The following KIAA1549 variants were observed in gnomAD, a reference collection of about 807,000 sequenced individuals.
KIAA1549 encodes UPF0606 protein KIAA1549.
In KIAA1549, 70 loss-of-function variants were observed where a neutral mutation model predicts 156.4. That is an observed-to-expected ratio of 0.45 (90% CI 0.37 to 0.55). The LOEUF (loss-of-function observed/expected upper bound fraction) is 0.55. Ranked by LOEUF, KIAA1549 falls within the 20% of genes least tolerant of loss-of-function variation. The probability of loss-of-function intolerance (pLI) is 0.00; values close to 1 mark genes in which losing one functional copy is unlikely to be tolerated. For synonymous variants in KIAA1549, 1,103 were observed against 1,066.4 expected (o/e 1.03, Z -0.67); for missense variants, 2,428 against 2,540.9 (o/e 0.96, Z 0.96).
intron 16 of KIAA1549, among the ~76,000 whole-genome samples, chr7:138,855,461 G>A (rs745554234): frequency 9.9e-5 from 15 of 152,146 alleles, no homozygotes; most frequent in South Asian, 6.2e-4. Flanking sequence ...GAGAGATGAC[G>A]GTGGCTCCAA....
intron 14 of KIAA1549, 82 bp downstream of exon 14, chr7:138,869,456 G>C (rs1810854214): frequency 3.6e-6 from 4 of 1,097,100 alleles, no homozygotes; most frequent in Admixed American, 4.1e-5. Flanking sequence ...TGCAGTAGCA[G>C]AGGGGCTCCT....
chr7:138,946,387 C>G (rs1369419951), intron 1 of KIAA1549, among the ~76,000 whole-genome samples: 1 of 152,172 alleles, frequency 6.6e-6, no homozygotes, highest in Admixed American at 6.5e-5. Flanking sequence ...AAATTTAAAC[C>G]ACTCTACTGT....
intron 16 of KIAA1549, among the ~76,000 whole-genome samples, chr7:138,856,080 G>A (rs1472908198): frequency 1.3e-4 from 19 of 149,044 alleles, no homozygotes; most frequent in East Asian, 3.9e-4. Flanking sequence ...CACCCAGGCC[G>A]GACTGCAGTG....
chr7:138,915,955 C>A (rs1041752699), intron 2 of KIAA1549, among the ~76,000 whole-genome samples: 1 of 152,368 alleles, frequency 6.6e-6, no homozygotes, highest in Non-Finnish European at 1.5e-5. Context: ...CAGCTTCACG[C>A]GGCCACAGCA....
Position 138,894,534 on chromosome 7 carries a change from CA to C in KIAA1549, c.3848-9del. On this transcript the variant is annotated splice_polypyrimidine_tract_variant and intron_variant, in intron 9 of 19. Transcript: ENST00000422774. ...TCTTCACCCTGTCGACAGCTGCAGA[CA>C]AGGAAGAAAGGTCTTTCAATAATTC... The C allele has an allele frequency of 6.2e-7, 1 of 1,613,764 alleles. No homozygotes were observed. The highest frequency in any genetic ancestry group is 1.1e-5 in the South Asian group (1 of 91,054).
At chr7:138,963,793 G>T (rs956042050) in intron 1 of KIAA1549, among the ~76,000 whole-genome samples, 2 of 152,148 alleles carry the variant, frequency 1.3e-5, no homozygotes, top group Non-Finnish European at 2.9e-5. Context: ...TAACGGAGGA[G>T]ATGTATGACA....
At position 138,834,117 on chromosome 7, in the gene KIAA1549, C is replaced by T. The variant is rs925761398; in HGVS notation, c.*3789G>A. 1 of 218,528 alleles carries T rather than the reference C, an allele frequency of 4.6e-6. No individual in the cohort carries two copies. Among genetic ancestry groups the T allele is most frequent in the South Asian group, 1.8e-4 (1 of 5,418 alleles). 13.5% of individuals were successfully genotyped at this position (218,528 alleles called of 1,614,324 possible). On this transcript the variant is annotated 3_prime_UTR_variant, in exon 20 of 20. Transcript: ENST00000422774. The stretch of plus-strand genomic sequence containing the variant: ...CTCCCCAAGATATTGCATTTCCAAA[C>T]ATGCAACTTCTTCTGGGTGCCTAAT...
chr7:138,967,114 T>C (rs1814050719), intron 1 of KIAA1549, among the ~76,000 whole-genome samples: 1 of 152,166 alleles, frequency 6.6e-6, no homozygotes, highest in South Asian at 2.1e-4. Context: ...CACTGATGTA[T>C]CCCAAGGGCC....
intron 6 of KIAA1549, among the ~76,000 whole-genome samples, chr7:138,905,762 G>A (rs952809118): frequency 6.6e-6 from 1 of 151,144 alleles, no homozygotes; most frequent in Non-Finnish European, 1.5e-5. Flanking sequence ...CATTGGCATT[G>A]TGAAGCTAGT....
At chr7:138,846,885 G>A (rs1810093560) in intron 17 of KIAA1549, among the ~76,000 whole-genome samples, 1 of 152,188 alleles carries the variant, frequency 6.6e-6, no homozygotes, top group Non-Finnish European at 1.5e-5. Flanking sequence ...TATTTCTAGA[G>A]TATATCTCAT....
In KIAA1549 at chr7:138,912,366, A is replaced by T. The variant is rs751420075; in HGVS notation, c.2967+6T>A. ...GACATCACACTCCTGAGCCACCAGGACTCACCTTCAGTTCCACTGCACGGT... is the reference window on the plus strand; with the variant it reads ...GACATCACACTCCTGAGCCACCAGGTCTCACCTTCAGTTCCACTGCACGGT... On this transcript the variant is annotated splice_donor_region_variant and intron_variant, in intron 3 of 19. Transcript: ENST00000422774. 3 of 1,609,778 alleles carry T rather than the reference A, an allele frequency of 1.9e-6. No homozygotes were observed. In the African/African-American group the frequency reaches 4.0e-5, roughly 22 times the overall value.
chr7:138,869,805 G>C lies in KIAA1549; in HGVS notation c.4552-44C>G, dbSNP rs751330458. 4.2e-6 allele frequency: 6 copies of C among 1,430,016 alleles called. No individual in the cohort carries two copies. In the South Asian group the frequency reaches 4.7e-5, roughly 11 times the overall value. 88.6% of individuals were successfully genotyped at this position (1,430,016 alleles called of 1,614,324 possible). On this transcript the variant is annotated intron_variant, in intron 13 of 19. Transcript: ENST00000422774. ...GAGAAAGACAGCCATAGAGGTCCCG[G>C]GAAGCTTCTGGGACACACACTTCGC...
At chr7:138,838,416 G>A (rs1250184610) in intron 19 of KIAA1549, among the ~76,000 whole-genome samples, 2 of 152,118 alleles carry the variant, frequency 1.3e-5, no homozygotes, top group African/African-American at 4.8e-5. Context: ...GAGGTTAAGC[G>A]GATCCATGCC....
At chr7:138,879,505 C>T in intron 12 of KIAA1549, 33 bp downstream of exon 12, 1 of 1,394,830 alleles carries the variant, frequency 7.2e-7, no homozygotes, top group Non-Finnish European at 9.9e-7. Flanking sequence ...ATAGGGACTA[C>T]TTTTAATGGG....
At chr7:138,951,135 G>A (rs1039402418) in intron 1 of KIAA1549, among the ~76,000 whole-genome samples, 3 of 151,808 alleles carry the variant, frequency 2.0e-5, no homozygotes, top group Admixed American at 6.6e-5. Context: ...GTGCAATCTC[G>A]GCTCACTGCA....
chr7:138,949,709 C>A (rs1813438392), intron 1 of KIAA1549, among the ~76,000 whole-genome samples: 1 of 152,184 alleles, frequency 6.6e-6, no homozygotes, highest in Admixed American at 6.5e-5. Context: ...CCTAAAGTCA[C>A]CAAACAGTAG....
intron 11 of KIAA1549, 78 bp downstream of exon 11, chr7:138,881,309 CT>C (rs1482058877): frequency 2.3e-5 from 32 of 1,420,678 alleles, no homozygotes; most frequent in Non-Finnish European, 3.1e-5. Context: ...CCATCAGCCC[CT>C]GTGACATCAG....
At chr7:138,867,228 A>AT (rs1810772103) in intron 15 of KIAA1549, among the ~76,000 whole-genome samples, 1 of 152,188 alleles carries the variant, frequency 6.6e-6, no homozygotes, top group Non-Finnish European at 1.5e-5. Context: ...TCTCATTAGG[A>AT]AACCCAGCCA....
chr7:138,946,175 T>C (rs1452086713), intron 1 of KIAA1549, among the ~76,000 whole-genome samples: 2 of 151,258 alleles, frequency 1.3e-5, no homozygotes, highest in Admixed American at 6.6e-5. Context: ...GCATAATATA[T>C]TATGTTCGTT....
Sources: allele counts gnomAD v4.1 joint callset (sites outside exome capture counted in the v4.1 genomes callset), GRCh38; gene constraint gnomAD v4.1.1; transcripts MANE v1.5; gene names NCBI Gene and HGNC (gene_info 2026-07-23, HGNC 2026-07-21).